Variants in PCDHA9 observed in about 807,000 individuals in gnomAD.
PCDHA9 encodes the protein protocadherin alpha 9.
Under a neutral mutation model 62.0 loss-of-function variants are expected in PCDHA9, and 62 were observed. The observed-to-expected ratio is 1.00, with a 90% CI of 0.81 to 1.23. The LOEUF (loss-of-function observed/expected upper bound fraction) is 1.23. PCDHA9 is among the 50% of genes most tolerant of loss of function. The pLI is 0.00. For synonymous variants in PCDHA9, 557 were observed against 567.6 expected (o/e 0.98, Z 0.27); for missense variants, 1,205 against 1,249.8 (o/e 0.96, Z 0.54).
chr5:140,952,709 T>C (rs2094784758), intron 1 of PCDHA9, among the ~76,000 whole-genome samples: 1 of 152,208 alleles, frequency 6.6e-6, no homozygotes, highest in Non-Finnish European at 1.5e-5. Flanking sequence ...CCACTCTCAG[T>C]ATCAATTTTC....
Position 140,853,516 on chromosome 5 carries a change from C to T in PCDHA9, c.2394+2627C>T, listed in dbSNP as rs546400632. On this transcript the variant is annotated intron_variant, in intron 1 of 3. Coordinates refer to ENST00000532602, the MANE Select transcript of PCDHA9 (RefSeq NM_031857.2). The stretch of plus-strand genomic sequence containing the variant: ...TTAGAATCATGAAACAATAATGAAG[C>T]TCCTCCTATGTCTCTTTTCAAGTTG... 3.7e-4 allele frequency: 362 copies of T among 976,264 alleles called. 18 individuals are homozygous for T. In the South Asian group the frequency reaches 0.015, roughly 41 times the overall value. The allele number at this position is 976,264 out of a possible 1,614,324, so 60.5% of individuals were successfully genotyped here.
rs1476746131 is a variant in PCDHA9, at chr5:140,870,515, G to A, written c.2394+19626G>A. 8.7e-6 allele frequency: 14 copies of A among 1,614,236 alleles called. No homozygotes were observed. Among genetic ancestry groups the A allele is most frequent in the Non-Finnish European group, 1.1e-5 (13 of 1,180,048 alleles). On this transcript the variant is annotated intron_variant, in intron 1 of 3. Transcript: ENST00000532602. The stretch of plus-strand genomic sequence containing the variant: ...GTGAAGGAGAACAACCCACCAGGCT[G>A]CCACATCTTCACAGTGTCGGCGCGG...
chr5:140,875,173 A>G (rs567403390), intron 1 of PCDHA9: 75 of 394,970 alleles, frequency 1.9e-4, no homozygotes, highest in Non-Finnish European at 2.9e-4. Context: ...AAGTCGAAAC[A>G]TTAGAATTAA....
At chr5:140,999,656 G>A (rs1483832540) in intron 3 of PCDHA9, among the ~76,000 whole-genome samples, 2 of 152,148 alleles carry the variant, frequency 1.3e-5, no homozygotes, top group African/African-American at 4.8e-5. Context: ...CCTGAGCCCT[G>A]CTGGGTTGCG....
intron 1 of PCDHA9, chr5:140,860,059 T>A (rs894082800): frequency 2.7e-5 from 4 of 150,452 alleles, no homozygotes; most frequent in African/African-American, 9.8e-5. Context: ...GAGGCCAAGG[T>A]GGGAGGATGG....
At chr5:140,995,000 T>A (rs149795080) in intron 3 of PCDHA9, among the ~76,000 whole-genome samples, 1 of 152,328 alleles carries the variant, frequency 6.6e-6, no homozygotes, top group African/African-American at 2.4e-5. Flanking sequence ...GTTAGTTGGT[T>A]TGTTTATATT....
intron 1 of PCDHA9, among the ~76,000 whole-genome samples, chr5:140,890,661 A>G (rs1384784805): frequency 6.6e-6 from 1 of 152,198 alleles, no homozygotes; most frequent in Non-Finnish European, 1.5e-5. Flanking sequence ...TCAAAAGTTA[A>G]CTGAAACCCT....
intron 1 of PCDHA9, among the ~76,000 whole-genome samples, chr5:140,957,554 G>A (rs1291687434): frequency 6.6e-6 from 1 of 152,074 alleles, no homozygotes; most frequent in African/African-American, 2.4e-5. Flanking sequence ...ATTCTCTGTG[G>A]AAAAGGAGGG....
At chr5:140,860,741 A>ATT (rs1466220052) in intron 1 of PCDHA9, 6 of 152,018 alleles carry the variant, frequency 3.9e-5, no homozygotes, top group African/African-American at 1.4e-4. Context: ...TTTGTTTTTT[A>ATT]TTTTTTATTT....
intron 3 of PCDHA9, among the ~76,000 whole-genome samples, chr5:141,008,010 T>C (rs2098356270): frequency 6.6e-6 from 1 of 152,214 alleles, no homozygotes; most frequent in African/African-American, 2.4e-5. Context: ...TAAACTTCTG[T>C]TTCCTTTTTT....
At chr5:140,899,251 G>A (rs1322090098) in intron 1 of PCDHA9, among the ~76,000 whole-genome samples, 1 of 152,082 alleles carries the variant, frequency 6.6e-6, no homozygotes, top group Non-Finnish European at 1.5e-5. Flanking sequence ...GTGAGAGAGG[G>A]CATCCCTGTC....
rs566522528 is a variant in PCDHA9, at chr5:140,881,283, A to C, written c.2394+30394A>C. On this transcript the variant is annotated intron_variant, in intron 1 of 3. Coordinates refer to ENST00000532602, the MANE Select transcript of PCDHA9 (RefSeq NM_031857.2). ...TCAGTGATGATGAAGTAAGATGGAG[A>C]GAGAAAATGGAAACTTTAACCTCCT... 1.3e-5 allele frequency: 10 copies of C among 799,388 alleles called. No homozygotes were observed. The African/African-American group carries it at 1.9e-4, about 15-fold the overall frequency. The allele number at this position is 799,388 out of a possible 1,614,324, so 49.5% of individuals were successfully genotyped here.
At chr5:140,986,981 A>G (rs1180752989) in intron 3 of PCDHA9, among the ~76,000 whole-genome samples, 1 of 152,146 alleles carries the variant, frequency 6.6e-6, no homozygotes, top group Non-Finnish European at 1.5e-5. Flanking sequence ...TGGGAGGCCA[A>G]GGCAGGCAGA....
intron 3 of PCDHA9, among the ~76,000 whole-genome samples, chr5:141,009,035 G>A (rs1455230382): frequency 2.6e-5 from 4 of 152,106 alleles, no homozygotes; most frequent in Non-Finnish European, 2.9e-5. Flanking sequence ...TTCCCATCCC[G>A]TTCCCAGTCA....
intron 1 of PCDHA9, chr5:140,928,746 C>A (rs782813323): frequency 6.2e-7 from 1 of 1,614,130 alleles, no homozygotes. Context: ...TAGGTGAGCT[C>A]CGTACTGCTC....
At chr5:140,897,694 G>A (rs1091552) in intron 1 of PCDHA9, among the ~76,000 whole-genome samples, 2,266 of 152,206 alleles carry the variant, frequency 0.015, 53 homozygotes, top group African/African-American at 0.052. Context: ...AGTCCTTTGG[G>A]CATATACCCA....
intron 1 of PCDHA9, among the ~76,000 whole-genome samples, chr5:140,878,943 T>C (rs968532854): frequency 6.6e-6 from 1 of 152,220 alleles, no homozygotes; most frequent in Non-Finnish European, 1.5e-5. Context: ...AATAAATATA[T>C]GGTATTGAAA....
intron 1 of PCDHA9, chr5:140,871,192 G>T (rs1582019516): frequency 2.5e-6 from 4 of 1,613,668 alleles, no homozygotes; most frequent in Non-Finnish European, 3.4e-6. Flanking sequence ...GGATGTCAAC[G>T]TGTACCTGAT....
At chr5:140,959,585 C>A (rs1363843588) in intron 1 of PCDHA9, among the ~76,000 whole-genome samples, 1 of 152,004 alleles carries the variant, frequency 6.6e-6, no homozygotes, top group Non-Finnish European at 1.5e-5. Context: ...TCAATTCTAT[C>A]AGCCAAGTAT....
Sources: gnomAD v4.1 joint callset for allele counts (sites outside exome capture counted in the v4.1 genomes callset) on GRCh38, gnomAD v4.1.1 for gene constraint, MANE v1.5 for transcripts, NCBI Gene and HGNC (gene_info 2026-07-23, HGNC 2026-07-21) for gene names.